LPIN1: variants seen among roughly 807,000 people sequenced by gnomAD.
The protein encoded by LPIN1 is lipin 1.
In LPIN1, 71 loss-of-function variants were observed where a neutral mutation model predicts 107.5. The ratio of observed to expected loss-of-function variants is 0.66; its 90% confidence interval spans 0.55 to 0.80. The LOEUF (loss-of-function observed/expected upper bound fraction) is 0.80, where lower values mean the gene tolerates loss of function less well. LPIN1 is among the 30% of genes least tolerant of loss of function. The pLI is 0.00. For missense variants in LPIN1, 1,043 were observed against 1,160.6 expected (o/e 0.90, Z 1.47); for synonymous variants, 445 against 452.6 (o/e 0.98, Z 0.21).
intron 1 of LPIN1, among the ~76,000 whole-genome samples, chr2:11,751,745 G>T (rs996594658): frequency 2.6e-5 from 4 of 152,122 alleles, no homozygotes; most frequent in African/African-American, 4.8e-5. Flanking sequence ...CCAGCTACTC[G>T]GGAGGCTGAG....
At chr2:11,788,524 G>A in intron 12 of LPIN1, 68 bp downstream of exon 12, 1 of 1,227,802 alleles carries the variant, frequency 8.1e-7, no homozygotes, top group Non-Finnish European at 1.2e-6. Context: ...GGGGTGGTTG[G>A]AATTTCACTT....
In LPIN1 at chr2:11,805,089, A is replaced by G. The variant is rs1229918538; in HGVS notation, c.2182A>G (p.Ile728Val). Residue 728 changes from isoleucine (I) to valine (V), a missense_variant, in exon 17 of 21, where the codon ATT becomes GTT. Physicochemically the swap from Ile to Val is conservative, Grantham distance 29. Transcript: ENST00000674199. ...ATTTAGATCAGATACTCTTGGCCAC[A>G]TTTTGCCCACCCTTGGGAAGGATTG... ...TITRSDTLGH[I>V]LPTLGKDWTH... 1 of 1,612,686 alleles carries G rather than the reference A, an allele frequency of 6.2e-7. No homozygotes were observed. Among genetic ancestry groups the G allele is most frequent in the Non-Finnish European group, 8.5e-7 (1 of 1,179,360 alleles).
intron 20 of LPIN1, among the ~76,000 whole-genome samples, chr2:11,821,466 C>T (rs1432164934): frequency 2.0e-5 from 3 of 152,082 alleles, no homozygotes; most frequent in Non-Finnish European, 2.9e-5. Flanking sequence ...GCTGTGAGCC[C>T]AGATCGTGCC....
At chr2:11,756,481 T>C (rs1190273679) in intron 1 of LPIN1, among the ~76,000 whole-genome samples, 2 of 152,138 alleles carry the variant, frequency 1.3e-5, no homozygotes, top group Non-Finnish European at 2.9e-5. Context: ...CTCTGCCTCC[T>C]GGGTTCAAGC....
chr2:11,801,681 G>A (rs150648418), intron 14 of LPIN1, among the ~76,000 whole-genome samples: 1,812 of 152,134 alleles, frequency 0.012, 35 homozygotes, highest in African/African-American at 0.04. Flanking sequence ...AAGTTCTAGC[G>A]TTTGATAGCA....
chr2:11,759,178 TTTCTTTCTTTCTTTTC>T (rs1558820642), intron 1 of LPIN1, among the ~76,000 whole-genome samples: 2 of 143,526 alleles, frequency 1.4e-5, no homozygotes, highest in African/African-American at 2.7e-5. Context: ...TCTTTCTTTC[TTTCTTTCTTTCTTTTC>T]TTTCTTTCTT....
rs767453382 is a variant in LPIN1, at chr2:11,820,464, C to T, written c.2571C>T (p.Val857=). Residue 857 remains valine, a synonymous_variant, in exon 20 of 21, where the codon GTC becomes GTT. Coordinates refer to ENST00000674199, the MANE Select transcript of LPIN1 (RefSeq NM_001349206.2). ...VGVSLNRIFT[V]NPKGELVQEH... is the part of the protein sequence containing the mutation. Reference sequence around the variant, plus strand: ...TGTCTTTGAATAGAATATTTACCGTCAACCCTAAAGGAGAGCTGGTACAGG... The same window carrying T: ...TGTCTTTGAATAGAATATTTACCGTTAACCCTAAAGGAGAGCTGGTACAGG... 11 of 1,613,652 alleles carry T rather than the reference C, an allele frequency of 6.8e-6. No individual in the cohort carries two copies. Among genetic ancestry groups the T allele is most frequent in the Non-Finnish European group, 9.3e-6 (11 of 1,179,664 alleles).
At chr2:11,692,803 T>C (rs1005558035) in intron 1 of LPIN1, among the ~76,000 whole-genome samples, 1 of 152,216 alleles carries the variant, frequency 6.6e-6, no homozygotes, top group Non-Finnish European at 1.5e-5. Flanking sequence ...AATGCTTACC[T>C]CAAAGTTTTC....
intron 19 of LPIN1, 92 bp downstream of exon 19, chr2:11,819,690 GA>G: frequency 1.1e-6 from 1 of 941,002 alleles, no homozygotes; most frequent in South Asian, 1.3e-5. Context: ...ACCATATGTA[GA>G]GTCAGATTCT....
chr2:11,783,135 C>T (rs188359340), intron 8 of LPIN1, among the ~76,000 whole-genome samples: 40 of 152,244 alleles, frequency 2.6e-4, no homozygotes, highest in East Asian at 1.9e-3. Context: ...CCAGCAGCTT[C>T]GTGTGGTTTT....
chr2:11,729,464 C>A (rs1477190439), intron 1 of LPIN1, among the ~76,000 whole-genome samples: 1 of 152,212 alleles, frequency 6.6e-6, no homozygotes, highest in East Asian at 1.9e-4. Context: ...ACATACAGAG[C>A]ATTGCTACTG....
At chr2:11,732,056 C>T (rs1467911422) in intron 1 of LPIN1, among the ~76,000 whole-genome samples, 2 of 152,180 alleles carry the variant, frequency 1.3e-5, no homozygotes, top group Non-Finnish European at 2.9e-5. Context: ...GTTTCTTTTG[C>T]TGTGCAGAAG....
chr2:11,826,869 C>T lies in LPIN1; in HGVS notation c.*2078C>T, dbSNP rs777892156. 2 of 152,398 alleles carry T rather than the reference C, an allele frequency of 1.3e-5. No individual in the cohort carries two copies. Among genetic ancestry groups the T allele is most frequent in the African/African-American group, 2.4e-5 (1 of 41,454 alleles). The allele number at this position is 152,398 out of a possible 1,614,324, so 9.4% of individuals were successfully genotyped here. ...CACATCACTGCACCCTGAAACAGAG[C>T]ATGCTTTCCAGAAAGTCACACTCTC... On this transcript the variant is annotated 3_prime_UTR_variant, in exon 21 of 21. Coordinates refer to ENST00000674199, the MANE Select transcript of LPIN1 (RefSeq NM_001349206.2).
chr2:11,792,621 G>A lies in LPIN1; in HGVS notation c.1806+615G>A, dbSNP rs556487281. ...TGGTCTCAAACTCCTGGGCTCAAGC[G>A]ATCTGCCTGCCTAGGCCTCCGAAAG... On this transcript the variant is annotated intron_variant, in intron 13 of 20. Transcript: ENST00000674199. Among the ~76,000 whole-genome samples the A allele has an allele frequency of 5.3e-5, 8 of 152,224 alleles. No homozygotes were observed. The East Asian group carries it at 1.5e-3, about 29-fold the overall frequency.
At chr2:11,819,079 T>C (rs1681091636) in intron 18 of LPIN1, 1 of 224,954 alleles carries the variant, frequency 4.4e-6, no homozygotes, top group African/African-American at 2.3e-5. Flanking sequence ...CGTGTATATA[T>C]ATATTTTAGA....
At chr2:11,758,508 T>C (rs1049859300) in intron 1 of LPIN1, among the ~76,000 whole-genome samples, 2 of 152,182 alleles carry the variant, frequency 1.3e-5, no homozygotes, top group Non-Finnish European at 2.9e-5. Flanking sequence ...TTAAAAACTT[T>C]CAGTGCTTAG....
At chr2:11,685,228 G>A (rs1457096544) in intron 1 of LPIN1, among the ~76,000 whole-genome samples, 1 of 152,218 alleles carries the variant, frequency 6.6e-6, no homozygotes, top group Non-Finnish European at 1.5e-5. Context: ...GCAGGTTTGA[G>A]GAATGCCAAG....
chr2:11,749,521 C>T (rs974785562), intron 1 of LPIN1, among the ~76,000 whole-genome samples: 2 of 152,156 alleles, frequency 1.3e-5, no homozygotes, highest in African/African-American at 4.8e-5. Context: ...CCCTTAGCAG[C>T]TGGGGTTGGG....
At chr2:11,764,609 G>A (rs1558840008) in intron 1 of LPIN1, among the ~76,000 whole-genome samples, 1 of 152,240 alleles carries the variant, frequency 6.6e-6, no homozygotes, top group Non-Finnish European at 1.5e-5. Context: ...GCAGCCCAGA[G>A]CGCTGGTGTT....
Sources: allele counts gnomAD v4.1 joint callset (sites outside exome capture counted in the v4.1 genomes callset), GRCh38; gene constraint gnomAD v4.1.1; transcripts MANE v1.5; gene names NCBI Gene and HGNC (gene_info 2026-07-23, HGNC 2026-07-21).